Variants in IL34 observed in about 807,000 individuals in gnomAD.
IL34 encodes interleukin 34.
A neutral mutation model predicts 25.3 loss-of-function variants in IL34; 17 were observed. The observed-to-expected ratio is 0.67, with a 90% CI of 0.46 to 1.01. The LOEUF (loss-of-function observed/expected upper bound fraction) is 1.01, where lower values mean the gene tolerates loss of function less well. Ranked by LOEUF, IL34 falls within the 50% of genes least tolerant of loss-of-function variation. The pLI is 0.00. For synonymous variants in IL34, 174 were observed against 140.9 expected (o/e 1.23, Z -1.66); for missense variants, 368 against 312.9 (o/e 1.18, Z -1.33).
At chr16:70,657,157 G>T (rs1391456336) in intron 4 of IL34, 36 bp downstream of exon 4, 1 of 1,603,798 alleles carries the variant, frequency 6.2e-7, no homozygotes, top group South Asian at 1.1e-5. Context: ...TGGGGTGTGT[G>T]TGTGTGCACA....
At chr16:70,620,972 T>G (rs1320618985) in intron 1 of IL34, among the ~76,000 whole-genome samples, 6 of 151,830 alleles carry the variant, frequency 4.0e-5, no homozygotes, top group African/African-American at 1.2e-4. Flanking sequence ...GGAGAAGGGG[T>G]GGAGGGTTCT....
At chr16:70,633,773 G>A (rs1172609153) in intron 1 of IL34, among the ~76,000 whole-genome samples, 1 of 152,128 alleles carries the variant, frequency 6.6e-6, no homozygotes, top group South Asian at 2.1e-4. Context: ...CCCAGGTTCT[G>A]GTGTACAATT....
chr16:70,597,681 A>C (rs554139157), intron 1 of IL34, among the ~76,000 whole-genome samples: 4 of 152,348 alleles, frequency 2.6e-5, no homozygotes, highest in South Asian at 4.2e-4. Flanking sequence ...GTTTTCTTAC[A>C]TGATGATGTA....
intron 1 of IL34, among the ~76,000 whole-genome samples, chr16:70,648,122 T>G (rs563525022): frequency 6.6e-6 from 1 of 152,196 alleles, no homozygotes; most frequent in South Asian, 2.1e-4. Context: ...CCTGGAGGAT[T>G]TGAGAGCCCG....
At chr16:70,610,976 C>T (rs200085941) in intron 1 of IL34, among the ~76,000 whole-genome samples, 1 of 103,238 alleles carries the variant, frequency 9.7e-6, no homozygotes, top group African/African-American at 4.1e-5. Flanking sequence ...TTTCTTTCTT[C>T]TTTTTGTTGT....
In IL34 at chr16:70,660,208, G is replaced by C; in HGVS notation, c.*21G>C. 1 of 1,541,512 alleles carries C rather than the reference G, an allele frequency of 6.5e-7. No individual in the cohort carries two copies. The highest frequency in any genetic ancestry group is 8.7e-7 in the Non-Finnish European group (1 of 1,146,578). On this transcript the variant is annotated 3_prime_UTR_variant, in exon 6 of 6. Coordinates refer to ENST00000288098, the MANE Select transcript of IL34 (RefSeq NM_001393494.1). ...CCTGAGCACCCTGGATGGTGACTGC[G>C]GATAGGGGCAGCCAGACCAGCTCCC...
At chr16:70,603,417 C>T (rs756005137) in intron 1 of IL34, among the ~76,000 whole-genome samples, 10 of 152,164 alleles carry the variant, frequency 6.6e-5, no homozygotes, top group Middle Eastern at 3.4e-3. Context: ...GTAGCTGGGA[C>T]TACAGCCATG....
At chr16:70,634,293 C>CTT (rs1055613383) in intron 1 of IL34, among the ~76,000 whole-genome samples, 2 of 122,352 alleles carry the variant, frequency 1.6e-5, no homozygotes, top group Non-Finnish European at 3.6e-5. Flanking sequence ...AAGATATGAA[C>CTT]TGGGGGCAGG....
intron 1 of IL34, among the ~76,000 whole-genome samples, chr16:70,641,053 C>G (rs2051770310): frequency 1.3e-5 from 2 of 152,130 alleles, no homozygotes; most frequent in South Asian, 4.1e-4. Flanking sequence ...AGGCAGATCA[C>G]TTGAGGTCAG....
At chr16:70,640,549 G>T (rs147383766) in intron 1 of IL34, among the ~76,000 whole-genome samples, 1 of 151,536 alleles carries the variant, frequency 6.6e-6, no homozygotes, top group African/African-American at 2.4e-5. Context: ...TCTTGAACCC[G>T]GGAGGTGGAG....
intron 1 of IL34, among the ~76,000 whole-genome samples, chr16:70,599,259 A>G (rs187001615): frequency 8.1e-4 from 75 of 92,552 alleles, no homozygotes; most frequent in Admixed American, 1.4e-3. Context: ...TGTTATGTCA[A>G]GAACTGTTTC....
chr16:70,654,590 G>A lies in IL34; in HGVS notation c.81G>A (p.Trp27Ter). 2 of 1,613,710 alleles carry A rather than the reference G, an allele frequency of 1.2e-6. No homozygotes were observed. The highest frequency in any genetic ancestry group is 1.7e-6 in the Non-Finnish European group (2 of 1,179,716). ...TGGGGAATGAGCCTTTGGAGATGTG[G>A]CCCTTGACGCAGAATGAGGAGTGCA... Reference protein sequence around the residue: ...VALGNEPLEMWPLTQNEECTV... With the variant: ...VALGNEPLEM Residue 27 changes from tryptophan (W) to a stop codon, truncating the protein, a stop_gained, in exon 2 of 6, where the codon TGG becomes TGA. Transcript: ENST00000288098. LOFTEE classifies it high-confidence loss of function.
intron 1 of IL34, among the ~76,000 whole-genome samples, chr16:70,612,808 CAG>C (rs2051110469): frequency 6.6e-6 from 1 of 152,196 alleles, no homozygotes; most frequent in Non-Finnish European, 1.5e-5. Flanking sequence ...TGTTTTGAGA[CAG>C]AGTCTCACTC....
intron 1 of IL34, among the ~76,000 whole-genome samples, chr16:70,582,621 C>T (rs2151801512): frequency 6.6e-6 from 1 of 152,370 alleles, no homozygotes; most frequent in South Asian, 2.1e-4. Context: ...GGAGCCCTTA[C>T]CGTGGAAGTC....
At chr16:70,640,232 C>A (rs191284823) in intron 1 of IL34, among the ~76,000 whole-genome samples, 2 of 152,134 alleles carry the variant, frequency 1.3e-5, no homozygotes, top group Non-Finnish European at 2.9e-5. Context: ...GCCTTGGCCT[C>A]CTGGGCTCAA....
rs79452589 is a variant in IL34 at position 70,614,638 on chromosome 16, A to G, written c.-400-31910A>G. Among the ~76,000 whole-genome samples the G allele has an allele frequency of 1.2e-3, 188 of 152,326 alleles. 3 individuals carry two copies. The highest frequency in any genetic ancestry group is 0.01 in the Middle Eastern group (3 of 294). ...CAATTTCATGATGTTGTTTGTCCTT[A>G]TCTTTGCTCTGCCTAAGAGATAACT... On this transcript the variant is annotated intron_variant, in intron 1 of 6. Transcript: ENST00000429149.
intron 1 of IL34, among the ~76,000 whole-genome samples, chr16:70,623,880 C>A (rs1001596270): frequency 2.7e-5 from 4 of 150,658 alleles, no homozygotes; most frequent in Non-Finnish European, 5.9e-5. Context: ...GCCGTCAATA[C>A]TCACAACAGT....
intron 1 of IL34, among the ~76,000 whole-genome samples, chr16:70,650,977 G>A (rs1277764107): frequency 9.2e-5 from 14 of 152,322 alleles, no homozygotes; most frequent in Admixed American, 7.2e-4. Flanking sequence ...TTGGGAAGCC[G>A]AGGTGAGTGG....
intron 1 of IL34, among the ~76,000 whole-genome samples, chr16:70,599,099 G>A (rs1040152518): frequency 2.0e-5 from 3 of 152,240 alleles, no homozygotes; most frequent in Admixed American, 6.5e-5. Context: ...GCAAGAGATG[G>A]TGGGGGTCAA....
Sources: gnomAD v4.1 joint callset for allele counts (sites outside exome capture counted in the v4.1 genomes callset) on GRCh38, gnomAD v4.1.1 for gene constraint, MANE v1.5 for transcripts, NCBI Gene and HGNC (gene_info 2026-07-23, HGNC 2026-07-21) for gene names.